Variants in CATSPERB observed in about 807,000 individuals in gnomAD.
CATSPERB encodes cation channel sperm-associated auxiliary subunit beta.
CATSPERB carries 93 observed loss-of-function variants against 128.3 expected under a neutral mutation model. That is an observed-to-expected ratio of 0.72 (90% CI 0.61 to 0.86). The LOEUF (loss-of-function observed/expected upper bound fraction) is 0.86, where lower values mean the gene tolerates loss of function less well. Among genes scored for constraint, CATSPERB ranks in the 40% least tolerant of loss-of-function variants. CATSPERB has a pLI of 0.00. For synonymous variants in CATSPERB, 381 were observed against 448.8 expected (o/e 0.85, Z 1.91); for missense variants, 1,153 against 1,329.5 (o/e 0.87, Z 2.06).
intron 3 of CATSPERB, among the ~76,000 whole-genome samples, chr14:91,724,486 C>T (rs1245059813): frequency 6.6e-6 from 1 of 152,134 alleles, no homozygotes; most frequent in Non-Finnish European, 1.5e-5. Flanking sequence ...CATGCATTTG[C>T]TCTCATGGAG....
chr14:91,655,129 T>C (rs555871513), intron 15 of CATSPERB, among the ~76,000 whole-genome samples: 19 of 152,362 alleles, frequency 1.2e-4, no homozygotes, highest in African/African-American at 4.3e-4. Context: ...TACCTCCTAA[T>C]GCAGATTCAG....
intron 17 of CATSPERB, among the ~76,000 whole-genome samples, chr14:91,628,136 T>G (rs1894203888): frequency 6.6e-6 from 1 of 152,204 alleles, no homozygotes; most frequent in Non-Finnish European, 1.5e-5. Flanking sequence ...AGTGGCATAT[T>G]CTTTGTTTTT....
At chr14:91,620,471 C>T (rs1027576120) in intron 19 of CATSPERB, among the ~76,000 whole-genome samples, 8 of 152,034 alleles carry the variant, frequency 5.3e-5, no homozygotes, top group Admixed American at 2.6e-4. Context: ...TCTTCTTTTC[C>T]TTGCCCTTTC....
In CATSPERB at chr14:91,680,976, G is replaced by T. The variant is rs114486288; in HGVS notation, c.931+2901C>A. 2.2e-3 allele frequency among the ~76,000 whole-genome samples: 337 copies of T among 152,196 alleles called. 1 individual carries two copies. Among genetic ancestry groups the T allele is most frequent in the African/African-American group, 7.0e-3 (290 of 41,542 alleles). On this transcript the variant is annotated intron_variant, in intron 11 of 26. Coordinates refer to ENST00000256343, the MANE Select transcript of CATSPERB (RefSeq NM_024764.4). ...AATTATCATAAGACTGACAGAACAG[G>T]TTCTTTATGGCAATAAGCTATCAAA...
intron 14 of CATSPERB, among the ~76,000 whole-genome samples, chr14:91,661,776 G>T (rs1238325534): frequency 6.6e-6 from 1 of 151,664 alleles, no homozygotes; most frequent in Non-Finnish European, 1.5e-5. Flanking sequence ...CTCCTGCCTT[G>T]GCCTCCCGAA....
At position 91,587,295 on chromosome 14, in the gene CATSPERB, C is replaced by A; in HGVS notation, c.3058-19G>T. 6.3e-7 allele frequency: 1 copy of A among 1,587,064 alleles called. No homozygotes were observed. Among genetic ancestry groups the A allele is most frequent in the Non-Finnish European group, 8.6e-7 (1 of 1,165,572 alleles). ...CAGAGCCCTGTGGAAAAAAGCACAC[C>A]CAGTTGTTAGCAGCATCAACATGTA... On this transcript the variant is annotated intron_variant, in intron 25 of 26. Transcript: ENST00000256343.
chr14:91,705,656 A>G (rs1895721185), intron 6 of CATSPERB, among the ~76,000 whole-genome samples: 1 of 151,996 alleles, frequency 6.6e-6, no homozygotes, highest in Non-Finnish European at 1.5e-5. Context: ...TCACAACCCT[A>G]TTTTTCAGTC....
At chr14:91,640,997 C>T (rs1312033753) in intron 15 of CATSPERB, among the ~76,000 whole-genome samples, 6 of 146,656 alleles carry the variant, frequency 4.1e-5, no homozygotes, top group Non-Finnish European at 6.1e-5. Context: ...TGATGATGAG[C>T]ATTTTTTCAT....
chr14:91,715,655 G>A (rs993452491), intron 5 of CATSPERB, among the ~76,000 whole-genome samples: 2 of 150,264 alleles, frequency 1.3e-5, no homozygotes, highest in African/African-American at 4.9e-5. Context: ...TTTTGTAGAA[G>A]TAAACAAGTT....
intron 5 of CATSPERB, among the ~76,000 whole-genome samples, 185 bp downstream of exon 5, chr14:91,719,233 C>T (rs981298869): frequency 6.6e-6 from 1 of 152,062 alleles, no homozygotes; most frequent in Non-Finnish European, 1.5e-5. Context: ...AGGTAAAATA[C>T]AGTATCCCAG....
At position 91,591,965 on chromosome 14, in the gene CATSPERB, G is replaced by A. The variant is rs1893413273; in HGVS notation, c.2747C>T (p.Thr916Ile). 1 of 1,613,836 alleles carries A rather than the reference G, an allele frequency of 6.2e-7. No homozygotes were observed. The highest frequency in any genetic ancestry group is 1.7e-5 in the Admixed American group (1 of 59,994). Residue 916 changes from threonine to isoleucine, a missense_variant, in exon 23 of 27, where the codon ACT (threonine) becomes ATT (isoleucine). Thr to Ile is a moderately conservative substitution (Grantham distance 89, BLOSUM62 -1). Coordinates refer to ENST00000256343, the MANE Select transcript of CATSPERB (RefSeq NM_024764.4). ...GKFKQCANVS[T>I]REECNCTKDQ... ...CTTTGTGCAGTTACACTCCTCCCGA[G>A]TGGAAACATTAGCACACTGTTTGAA...
chr14:91,582,474 C>A (rs188475586), intron 26 of CATSPERB, among the ~76,000 whole-genome samples: 3 of 152,316 alleles, frequency 2.0e-5, no homozygotes, highest in Admixed American at 6.5e-5. Context: ...CCGGTGAAAC[C>A]TGACCTTCAA....
intron 26 of CATSPERB, 69 bp downstream of exon 26, chr14:91,587,132 CT>C (rs1893316700): frequency 1.6e-6 from 2 of 1,259,994 alleles, no homozygotes; most frequent in Non-Finnish European, 2.2e-6. Context: ...TCTTCGGTGT[CT>C]CTTGAATTGG....
intron 15 of CATSPERB, among the ~76,000 whole-genome samples, chr14:91,655,786 T>G (rs1894776316): frequency 6.6e-6 from 1 of 151,542 alleles, no homozygotes; most frequent in East Asian, 1.9e-4. Flanking sequence ...TTCAAAGGAG[T>G]AATAACAGAG....
chr14:91,653,076 A>C (rs1894735571), intron 15 of CATSPERB, among the ~76,000 whole-genome samples: 1 of 152,222 alleles, frequency 6.6e-6, no homozygotes, highest in African/African-American at 2.4e-5. Context: ...CATCAAGGAC[A>C]AAATATTGAG....
chr14:91,638,866 A>G (rs1012712976), intron 16 of CATSPERB, among the ~76,000 whole-genome samples: 1 of 152,230 alleles, frequency 6.6e-6, no homozygotes, highest in African/African-American at 2.4e-5. Context: ...AGATATTTGC[A>G]TGAAGATATT....
At chr14:91,661,548 T>TATATATATATA (rs1566722229) in intron 14 of CATSPERB, among the ~76,000 whole-genome samples, 17 of 146,834 alleles carry the variant, frequency 1.2e-4, no homozygotes, top group Admixed American at 3.4e-4. Context: ...TATATATATA[T>TATATATATATA]TTAAGACAGG....
chr14:91,693,567 T>C (rs2139846449), intron 7 of CATSPERB, 88 bp from the exon 8 acceptor site: 1 of 849,196 alleles, frequency 1.2e-6, no homozygotes, highest in African/African-American at 1.7e-5. Context: ...CCGTTCCAAC[T>C]CCCTCTCAGC....
intron 2 of CATSPERB, among the ~76,000 whole-genome samples, chr14:91,726,094 G>T (rs890487389): frequency 2.0e-5 from 3 of 152,180 alleles, no homozygotes; most frequent in Non-Finnish European, 4.4e-5. Flanking sequence ...GTCCTGCTGA[G>T]AGACACCTCA....
Sources: allele counts gnomAD v4.1 joint callset (sites outside exome capture counted in the v4.1 genomes callset), GRCh38; gene constraint gnomAD v4.1.1; transcripts MANE v1.5; gene names NCBI Gene and HGNC (gene_info 2026-07-23, HGNC 2026-07-21).